The following NCOA3 variants were observed in gnomAD, a reference collection of about 807,000 sequenced individuals.
The protein encoded by NCOA3 is CBP-interacting protein.
Under a neutral mutation model 158.8 loss-of-function variants are expected in NCOA3, and 51 were observed. The observed-to-expected ratio is 0.32, with a 90% CI of 0.26 to 0.41. The LOEUF (loss-of-function observed/expected upper bound fraction) is 0.41. Among genes scored for constraint, NCOA3 ranks in the 10% least tolerant of loss-of-function variants. The probability of loss-of-function intolerance (pLI) is 1.00; values close to 1 mark genes in which losing one functional copy is unlikely to be tolerated. For synonymous variants in NCOA3, 537 were observed against 592.4 expected (o/e 0.91, Z 1.36); for missense variants, 1,510 against 1,746.6 (o/e 0.86, Z 2.41).
intron 1 of NCOA3, among the ~76,000 whole-genome samples, chr20:47,504,454 A>T (rs535507446): frequency 6.8e-6 from 1 of 147,788 alleles, no homozygotes; most frequent in South Asian, 2.2e-4. Context: ...GGGACATTAC[A>T]TTAAAGATAA....
chr20:47,647,139 A>G lies in NCOA3; in HGVS notation c.3319A>G (p.Lys1107Glu). ...GQEAAVMMDQKAGLYGQTYPA... is the reference protein window; with the variant it reads ...GQEAAVMMDQEAGLYGQTYPA... ...AGAAGCAGCAGTAATGATGGATCAG[A>G]AGGCAGGATTATATGGACAGACATA... is the stretch of plus-strand genomic sequence containing the variant. Residue 1107 changes from lysine (K) to glutamate (E), a missense_variant, in exon 18 of 23, where the codon AAG (lysine) becomes GAG (glutamate). This residue lies in a region of NCOA3 where 1,017 missense variants were observed against 1,098.3 expected (regional missense o/e 0.93). Coordinates refer to ENST00000371998, the MANE Select transcript of NCOA3 (RefSeq NM_181659.3). The G allele has an allele frequency of 6.2e-7, 1 of 1,614,212 alleles. No homozygotes were observed. The highest frequency in any genetic ancestry group is 8.5e-7 in the Non-Finnish European group (1 of 1,180,028).
intron 22 of NCOA3, 149 bp from the exon 23 acceptor site, chr20:47,653,257 T>C (rs1030458815): frequency 1.7e-6 from 2 of 1,169,150 alleles, no homozygotes; most frequent in South Asian, 3.1e-5. Flanking sequence ...AAGCCAGAGC[T>C]GCATTGTAAG....
chr20:47,605,413 A>G (rs1320630465), intron 2 of NCOA3, among the ~76,000 whole-genome samples: 2 of 151,784 alleles, frequency 1.3e-5, no homozygotes, highest in African/African-American at 2.4e-5. Context: ...GTGTGTGTGT[A>G]TGAGACATAT....
At chr20:47,581,705 ATAAGG>A (rs2085455596) in intron 1 of NCOA3, among the ~76,000 whole-genome samples, 1 of 152,268 alleles carries the variant, frequency 6.6e-6, no homozygotes, top group African/African-American at 2.4e-5. Flanking sequence ...TTGGAAATTC[ATAAGG>A]TAAAGTGAAT....
At position 47,656,601 on chromosome 20, in the gene NCOA3, C is replaced by T. The variant is rs567759784; in HGVS notation, c.*3184C>T. ...AACTCCAAGGCACACTGTTAATAAA[C>T]GAGCAGGGTGTTTTCTCTCTTCCTT... On this transcript the variant is annotated 3_prime_UTR_variant, in exon 23 of 23. Transcript: ENST00000371998. 1.3e-5 allele frequency: 2 copies of T among 152,698 alleles called. No homozygotes were observed. The highest frequency in any genetic ancestry group is 2.1e-4 in the South Asian group (1 of 4,822). The allele number at this position is 152,698 out of a possible 1,614,324, so 9.5% of individuals were successfully genotyped here. A position where few individuals can be genotyped will look rare whatever the true frequency, so the allele number is the denominator to read the frequency against.
rs1347188795 is a variant in NCOA3, at chr20:47,511,546, T to TACAC, written c.-99+9528_-99+9529insCACA. ...CGAGATATATATATATATATATATA[T>TACAC]ATATATATATTTCTTTTTTTTTTTG... is the stretch of plus-strand genomic sequence containing the variant. On this transcript the variant is annotated intron_variant, in intron 1 of 22. Transcript: ENST00000371998. 4.0e-3 allele frequency among the ~76,000 whole-genome samples: 116 copies of TACAC among 29,174 alleles called. 8 individuals are homozygous for TACAC. Among genetic ancestry groups the TACAC allele is most frequent in the South Asian group, 0.012 (8 of 670 alleles). 19.1% of individuals were successfully genotyped at this position (29,174 alleles called of 152,430 possible).
chr20:47,565,441 A>G (rs955088307), intron 1 of NCOA3, among the ~76,000 whole-genome samples: 2 of 152,184 alleles, frequency 1.3e-5, no homozygotes, highest in Non-Finnish European at 2.9e-5. Context: ...AGGGCTGGGC[A>G]CAGTGACTCA....
intron 2 of NCOA3, among the ~76,000 whole-genome samples, chr20:47,589,195 G>A (rs940023442): frequency 6.6e-6 from 1 of 152,026 alleles, no homozygotes. Context: ...CATTGTGCCC[G>A]GCCAGAGGAC....
At chr20:47,524,960 A>G (rs1292160792) in intron 1 of NCOA3, among the ~76,000 whole-genome samples, 2 of 148,686 alleles carry the variant, frequency 1.3e-5, no homozygotes, top group African/African-American at 2.5e-5. Context: ...TTTATTGATC[A>G]TTCTTGGGTG....
intron 17 of NCOA3, among the ~76,000 whole-genome samples, chr20:47,644,179 G>A (rs1218933341): frequency 5.4e-5 from 8 of 149,466 alleles, no homozygotes; most frequent in Non-Finnish European, 7.4e-5. Context: ...TCGCTCTGTC[G>A]CCCAGGCTGG....
At chr20:47,520,060 CCAAAAAAAAA>C (rs2084301984) in intron 1 of NCOA3, among the ~76,000 whole-genome samples, 1 of 55,238 alleles carries the variant, frequency 1.8e-5, no homozygotes, top group African/African-American at 7.7e-5. Context: ...CTGTGCCTGG[CCAAAAAAAAA>C]AAAAAAAAAA....
chr20:47,540,339 C>A (rs1210616850), intron 1 of NCOA3, among the ~76,000 whole-genome samples: 1 of 151,982 alleles, frequency 6.6e-6, no homozygotes, highest in African/African-American at 2.4e-5. Context: ...TTTGGGAGGC[C>A]GATGAGGGTG....
Position 47,501,933 on chromosome 20 carries a change from C to CT in NCOA3, c.-183dup. On this transcript the variant is annotated 5_prime_UTR_variant, in exon 1 of 23. Coordinates refer to ENST00000371998, the MANE Select transcript of NCOA3 (RefSeq NM_181659.3). ...TCCACAGCGACGGCAGCGGCTGCGG[C>CT]TTAGTCGGTGGCGGCCGGCGGCGGC... is the stretch of plus-strand genomic sequence containing the variant. 2.5e-6 allele frequency: 1 copy of CT among 401,036 alleles called. No individual in the cohort carries two copies. Among genetic ancestry groups the CT allele is most frequent in the Non-Finnish European group, 4.4e-6 (1 of 227,866 alleles). 24.8% of individuals were successfully genotyped at this position (401,036 alleles called of 1,614,324 possible).
Position 47,654,224 on chromosome 20 carries a change from T to G in NCOA3, c.*807T>G, listed in dbSNP as rs536435823. On this transcript the variant is annotated 3_prime_UTR_variant, in exon 23 of 23. Coordinates refer to ENST00000371998, the MANE Select transcript of NCOA3 (RefSeq NM_181659.3). ...CCTGGTTTTTGCCTACACTTACGTG[T>G]TAGACAAGAACTATGATTTTTTTTT... The G allele has an allele frequency of 2.0e-5, 3 of 152,750 alleles. No homozygotes were observed. The South Asian group carries it at 6.2e-4, about 32-fold the overall frequency. The allele number at this position is 152,750 out of a possible 1,614,324, so 9.5% of individuals were successfully genotyped here. A position where few individuals can be genotyped will look rare whatever the true frequency, so the allele number is the denominator to read the frequency against.
intron 1 of NCOA3, among the ~76,000 whole-genome samples, chr20:47,510,366 G>C (rs561584621): frequency 7.0e-6 from 1 of 143,508 alleles, no homozygotes; most frequent in Non-Finnish European, 1.5e-5. Context: ...CCTGGAGGTA[G>C]AGGTTGCCGT....
At chr20:47,538,672 G>A (rs1199966919) in intron 1 of NCOA3, among the ~76,000 whole-genome samples, 1 of 151,974 alleles carries the variant, frequency 6.6e-6, no homozygotes, top group African/African-American at 2.4e-5. Context: ...TGAGTAGCTG[G>A]GATTACAAGA....
At chr20:47,596,923 A>G (rs1292987595) in intron 2 of NCOA3, among the ~76,000 whole-genome samples, 1 of 152,184 alleles carries the variant, frequency 6.6e-6, no homozygotes, top group Admixed American at 6.5e-5. Flanking sequence ...TGTTTTATAC[A>G]TTGTTTCTTG....
At chr20:47,540,258 T>C (rs952369034) in intron 1 of NCOA3, among the ~76,000 whole-genome samples, 2 of 152,162 alleles carry the variant, frequency 1.3e-5, no homozygotes, top group Non-Finnish European at 2.9e-5. Flanking sequence ...TTGAAATGGA[T>C]TTTTCCTATT....
chr20:47,570,009 C>CA (rs995138553), intron 1 of NCOA3, among the ~76,000 whole-genome samples: 19 of 146,570 alleles, frequency 1.3e-4, no homozygotes, highest in East Asian at 4.0e-4. Context: ...GACTCCGTCT[C>CA]AAAAAAAACA....
Sources: gnomAD v4.1 joint callset for allele counts (sites outside exome capture counted in the v4.1 genomes callset) on GRCh38, gnomAD v4.1.1 for gene constraint, gnomAD v4.1.1 regional missense constraint, MANE v1.5 for transcripts, NCBI Gene and HGNC (gene_info 2026-07-23, HGNC 2026-07-21) for gene names.